Variants in DRP2 observed in about 807,000 individuals in gnomAD.
DRP2 encodes dystrophin-related protein 2.
DRP2 carries 29 observed loss-of-function variants against 78.2 expected under a neutral mutation model. That is an observed-to-expected ratio of 0.37 (90% confidence interval 0.28 to 0.51). The LOEUF (loss-of-function observed/expected upper bound fraction) is 0.51, where lower values mean the gene tolerates loss of function less well. DRP2 is among the 20% of genes least tolerant of loss of function. The pLI is 0.94. For missense variants in DRP2, 686 were observed against 770.6 expected (o/e 0.89, Z 1.30); for synonymous variants, 290 against 281.9 (o/e 1.03, Z -0.29).
In DRP2 at chrX:101,250,570, G is replaced by C; in HGVS notation, c.1688G>C (p.Cys563Ser). 1 of 1,196,140 alleles carries C rather than the reference G, an allele frequency of 8.4e-7. No homozygotes were observed. The highest frequency in any genetic ancestry group is 1.1e-6 in the Non-Finnish European group (1 of 886,407). Reference sequence around the variant, plus strand: ...AATGTGGAGCCCAGTGTCCGTAGTTGCTTCCGTTTTGTGAGTATGGAACTG... The same window carrying C: ...AATGTGGAGCCCAGTGTCCGTAGTTCCTTCCGTTTTGTGAGTATGGAACTG... ...GSNVEPSVRS[C>S]FRFSTGKPVI... Residue 563 changes from cysteine to serine, a missense_variant, in exon 15 of 24, where the codon TGC becomes TCC. Cys to Ser is a moderately radical substitution (Grantham distance 112, BLOSUM62 -1). This residue lies in a region of DRP2 where 423 missense variants were observed against 531.5 expected (regional missense o/e 0.80). Transcript: ENST00000395209.
At chrX:101,250,648 G>A (rs1187420659) in intron 15 of DRP2, 68 bp downstream of exon 15, 3 of 1,130,899 alleles carry the variant, frequency 2.7e-6, no homozygotes, top group Non-Finnish European at 3.5e-6. Context: ...AAGGGAAGGA[G>A]GACTACGAGC....
chrX:101,251,164 T>C, intron 16 of DRP2, 81 bp downstream of exon 16: 1 of 923,408 alleles, frequency 1.1e-6, no homozygotes, highest in Non-Finnish European at 1.5e-6. Context: ...AAATAAAGTG[T>C]CACCTAATTA....
At chrX:101,224,789 A>G (rs1187277885) in intron 2 of DRP2, 83 bp downstream of exon 2, 1 of 112,585 alleles carries the variant, frequency 8.9e-6, no homozygotes, top group Admixed American at 9.4e-5. Flanking sequence ...ATATGTGCCG[A>G]TAAGTGGCCA....
chrX:101,252,841 T>C, intron 17 of DRP2, 125 bp downstream of exon 17: 1 of 500,605 alleles, frequency 2.0e-6, no homozygotes, highest in Non-Finnish European at 3.2e-6. Context: ...CAAGGAGCTC[T>C]GGTGATTCAC....
Position 101,248,075 on chromosome X carries a change from TCTTTC to T in DRP2, c.1253-10_1253-6del, listed in dbSNP as rs762863058. 1 of 1,207,738 alleles carries T rather than the reference TCTTTC, an allele frequency of 8.3e-7. No individual in the cohort carries two copies. The highest frequency in any genetic ancestry group is 1.1e-6 in the Non-Finnish European group (1 of 892,133). ...TGGCTATATTTTTTTTCTCTTCTCT[TCTTTC>T]CTTACCAGTGGACCTGGTAACTTTA... On this transcript the variant is annotated splice_polypyrimidine_tract_variant and intron_variant, in intron 12 of 23. Transcript: ENST00000395209.
Position 101,241,972 on chromosome X carries a change from T to C in DRP2, c.828+36T>C, listed in dbSNP as rs1023818640. ...CCCCTCCCCTGACTACAGTCTACCCTGAGACCTGACACTCTCCCCAGACAC... is the reference window on the plus strand; with the variant it reads ...CCCCTCCCCTGACTACAGTCTACCCCGAGACCTGACACTCTCCCCAGACAC... On this transcript the variant is annotated intron_variant, in intron 7 of 23. Transcript: ENST00000395209. 4 of 1,141,214 alleles carry C rather than the reference T, an allele frequency of 3.5e-6. No homozygotes were observed. The African/African-American group carries it at 5.4e-5, about 15-fold the overall frequency. 94.0% of individuals were successfully genotyped at this position (1,141,214 alleles called of 1,213,427 possible).
At position 101,245,039 on chromosome X, in the gene DRP2, A is replaced by G. The variant is rs1418900812; in HGVS notation, c.1077A>G (p.Glu359=). ...FLSSSVQVPW[E]RAISPNKVPY... Reference sequence around the variant, plus strand: ...CAGCCTCTGTCCAGGTTCCCTGGGAAAGAGCAATTTCACCCAATAAAGTTC... The same window carrying G: ...CAGCCTCTGTCCAGGTTCCCTGGGAGAGAGCAATTTCACCCAATAAAGTTC... The change falls in exon 10 of 24, where the codon GAA becomes GAG. Residue 359 remains glutamate (E), a synonymous_variant. Transcript: ENST00000395209. 2 of 1,209,775 alleles carry G rather than the reference A, an allele frequency of 1.7e-6. No individual in the cohort carries two copies. Among genetic ancestry groups the G allele is most frequent in the East Asian group, 5.9e-5 (2 of 33,752 alleles).
chrX:101,226,053 T>C (rs1432020726), intron 2 of DRP2, among the ~76,000 whole-genome samples: 1 of 111,905 alleles, frequency 8.9e-6, no homozygotes, highest in Non-Finnish European at 1.9e-5. Context: ...TTTTTTTGCA[T>C]CTATAAGCAC....
At chrX:101,244,931 T>C in intron 9 of DRP2, 86 bp from the exon 10 acceptor site, 1 of 933,728 alleles carries the variant, frequency 1.1e-6, no homozygotes, top group South Asian at 2.4e-5. Flanking sequence ...TGACAACCTC[T>C]TTGGGAGAAT....
intron 15 of DRP2, 123 bp downstream of exon 15, chrX:101,250,703 G>C: frequency 9.9e-7 from 1 of 1,005,122 alleles, no homozygotes. Context: ...AGTTTATTGG[G>C]ATGGAACAAC....
chrX:101,245,352 T>A, intron 10 of DRP2, 36 bp from the exon 11 acceptor site: 1 of 1,165,795 alleles, frequency 8.6e-7, no homozygotes, highest in African/African-American at 1.8e-5. Context: ...GGGTGGGTGG[T>A]ATAGATGCTG....
Position 101,250,923 on chromosome X carries a change from G to A in DRP2, c.1705G>A (p.Gly569Arg), listed in dbSNP as rs200124907. The change falls in exon 16 of 24, where the codon GGG becomes AGG. Residue 569 changes from glycine to arginine, a missense_variant. Transcript: ENST00000395209. ...SVRSCFRFST[G>R]KPVIEASQFL... ...GGTCTTCTTGTTTCCGTAGAGCACC[G>A]GGAAGCCAGTCATTGAAGCATCCCA... 445 of 1,208,873 alleles carry A rather than the reference G, an allele frequency of 3.7e-4. 3 individuals are homozygous for A. Among genetic ancestry groups the A allele is most frequent in the African/African-American group, 5.3e-5 (3 of 57,105 alleles).
rs756698260 is a variant in DRP2, at chrX:101,261,722, T to G, written c.*1101T>G. 1 of 112,511 alleles carries G rather than the reference T, an allele frequency of 8.9e-6. No individual in the cohort carries two copies. Among genetic ancestry groups the G allele is most frequent in the African/African-American group, 3.2e-5 (1 of 30,972 alleles). 9.3% of individuals were successfully genotyped at this position (112,511 alleles called of 1,213,427 possible). On this transcript the variant is annotated 3_prime_UTR_variant, in exon 24 of 24. Coordinates refer to ENST00000395209, the MANE Select transcript of DRP2 (RefSeq NM_001939.3). Reference sequence around the variant, plus strand: ...CCACAAATCAGGAAGCTGGCCACTTTCCACCCAGACAACAACAGCAAGGCC... The same window carrying G: ...CCACAAATCAGGAAGCTGGCCACTTGCCACCCAGACAACAACAGCAAGGCC...
chrX:101,248,627 G>A (rs1207724606), intron 14 of DRP2, 28 bp downstream of exon 14: 10 of 1,158,298 alleles, frequency 8.6e-6, no homozygotes, highest in Non-Finnish European at 1.2e-5. Context: ...GTGTGGAGTG[G>A]TGTTGGGTAG....
intron 17 of DRP2, among the ~76,000 whole-genome samples, chrX:101,253,710 C>T (rs1348864026): frequency 9.2e-6 from 1 of 108,977 alleles, no homozygotes; most frequent in African/African-American, 3.3e-5. Context: ...TGTTTCCCCA[C>T]AATCCATCTG....
At position 101,258,445 on chromosome X, in the gene DRP2, C is replaced by T. The variant is rs754249856; in HGVS notation, c.2527C>T (p.Arg843Trp). Residue 843 changes from arginine to tryptophan, a missense_variant, in exon 22 of 24, where the codon CGG (arginine) becomes TGG (tryptophan). By Grantham distance (101) the Arg-to-Trp change is moderately radical. Transcript: ENST00000395209. ...GCTTCTGGCCGAGGCCCGTATCCTT[C>T]GGCAACATAAGAGCCGCCTGGAGAC... ...EELLAEARIL[R>W]QHKSRLETRM... is the part of the protein sequence containing the mutation. 7 of 1,204,627 alleles carry T rather than the reference C, an allele frequency of 5.8e-6. No homozygotes were observed. The highest frequency in any genetic ancestry group is 7.8e-6 in the Non-Finnish European group (7 of 891,875).
chrX:101,251,428 G>T (rs1416868156), intron 16 of DRP2: 2 of 134,423 alleles, frequency 1.5e-5, no homozygotes, highest in Admixed American at 7.8e-5. Flanking sequence ...TGTAGCATTT[G>T]CTAATTTCTG....
At chrX:101,231,495 G>A (rs1022940754) in intron 2 of DRP2, 90 bp from the exon 3 acceptor site, 2 of 547,176 alleles carry the variant, frequency 3.7e-6, no homozygotes, top group Non-Finnish European at 6.6e-6. Flanking sequence ...ATACTTATTT[G>A]TATATCTGGT....
In DRP2 at chrX:101,231,782, A is replaced by G; in HGVS notation, c.117+18A>G. On this transcript the variant is annotated intron_variant, in intron 3 of 23. Transcript: ENST00000395209. Reference sequence around the variant, plus strand: ...ACCCTCAGGTAAGAGTCTGATAGTGAAAGAAAGACCTGTGGAGAAAGTGGA... The same window carrying G: ...ACCCTCAGGTAAGAGTCTGATAGTGGAAGAAAGACCTGTGGAGAAAGTGGA... 1 of 1,175,023 alleles carries G rather than the reference A, an allele frequency of 8.5e-7. No individual in the cohort carries two copies. Among genetic ancestry groups the G allele is most frequent in the Non-Finnish European group, 1.2e-6 (1 of 866,285 alleles).
Sources: gnomAD v4.1 joint callset for allele counts (sites outside exome capture counted in the v4.1 genomes callset) on GRCh38, gnomAD v4.1.1 for gene constraint, gnomAD v4.1.1 regional missense constraint, MANE v1.5 for transcripts, NCBI Gene and HGNC (gene_info 2026-07-23, HGNC 2026-07-21) for gene names.